The following INSL6 variants were observed in gnomAD, a reference collection of about 807,000 sequenced individuals.
INSL6 encodes the protein insulin like 6, also known as insulin-like peptide INSL6.
Under a neutral mutation model 9.4 loss-of-function variants are expected in INSL6, and 16 were observed. The ratio of observed to expected loss-of-function variants is 1.70; its 90% confidence interval spans 1.15 to 2.59. The LOEUF (loss-of-function observed/expected upper bound fraction) is 2.59. INSL6 is among the 30% of genes most tolerant of loss of function. The pLI is 0.00. For synonymous variants in INSL6, 154 were observed against 96.9 expected (o/e 1.59, Z -3.46); for missense variants, 391 against 257.3 (o/e 1.52, Z -3.56).
the INSL6 span, among the ~76,000 whole-genome samples, chr9:5,023,984 C>T: frequency 6.6e-6 from 1 of 152,016 alleles, no homozygotes; most frequent in South Asian, 2.1e-4. Flanking sequence ...GGGCCGGGCA[C>T]GGTGGCTTAC....
chr9:5,135,113 T>C (rs901027497), intron 2 of INSL6, among the ~76,000 whole-genome samples: 1 of 152,046 alleles, frequency 6.6e-6, no homozygotes, highest in East Asian at 1.9e-4. Context: ...GTAAAGGGAA[T>C]CAATGCAACA....
intron 2 of INSL6, among the ~76,000 whole-genome samples, chr9:5,139,120 G>C (rs904793493): frequency 6.6e-6 from 1 of 152,022 alleles, no homozygotes; most frequent in East Asian, 1.9e-4. Context: ...CCAAATAAAG[G>C]TCATATCTTT....
chr9:5,137,606 T>TTATA, intron 2 of INSL6, among the ~76,000 whole-genome samples: 1 of 152,280 alleles, frequency 6.6e-6, no homozygotes, highest in South Asian at 2.1e-4. Context: ...GATTAAAGAC[T>TTATA]TAAATATAAG....
At chr9:5,075,918 G>A in the INSL6 span, among the ~76,000 whole-genome samples, 1 of 152,096 alleles carries the variant, frequency 6.6e-6, no homozygotes, top group African/African-American at 2.4e-5. Context: ...GTTCATGGAA[G>A]GAGATCAAAA....
At chr9:5,133,470 G>A (rs1824329892) in exon 3 of INSL6, 1 of 152,950 alleles carries the variant, frequency 6.5e-6, no homozygotes, top group Non-Finnish European at 1.5e-5. Flanking sequence ...TCTAGTGGGT[G>A]CCCCTCTGGG....
the INSL6 span, among the ~76,000 whole-genome samples, chr9:5,076,268 A>G: frequency 6.6e-6 from 1 of 152,168 alleles, no homozygotes; most frequent in South Asian, 2.1e-4. Flanking sequence ...CTGACCCTGT[A>G]AAGTTCTACT....
At chr9:5,115,723 A>G in the INSL6 span, among the ~76,000 whole-genome samples, 2 of 152,262 alleles carry the variant, frequency 1.3e-5, no homozygotes, top group African/African-American at 4.8e-5. Flanking sequence ...ATGGAATACT[A>G]TGCAGCCATA....
chr9:5,122,992 A>G (rs1299460315), downstream of INSL6: 3 of 1,545,246 alleles, frequency 1.9e-6, no homozygotes, highest in African/African-American at 4.1e-5. Context: ...AATGTTATTC[A>G]TATATTTACA....
chr9:5,102,417 TG>T, the INSL6 span, among the ~76,000 whole-genome samples: 1 of 152,226 alleles, frequency 6.6e-6, no homozygotes, highest in Non-Finnish European at 1.5e-5. Context: ...TACATTTGAT[TG>T]TTGTACCTGA....
At chr9:5,080,450 A>T in the INSL6 span, 1 of 1,540,750 alleles carries the variant, frequency 6.5e-7, no homozygotes, top group Admixed American at 2.0e-5. Context: ...CATGATTTGT[A>T]TTTTTTAGCC....
At chr9:5,139,414 C>T (rs1824446498) in intron 2 of INSL6, among the ~76,000 whole-genome samples, 1 of 152,090 alleles carries the variant, frequency 6.6e-6, no homozygotes. Flanking sequence ...CTGCCTTTTG[C>T]TAGATGACAA....
chr9:5,112,839 G>A, the INSL6 span: 2 of 559,056 alleles, frequency 3.6e-6, no homozygotes, highest in Non-Finnish European at 5.7e-6. Context: ...AACCCCGCTG[G>A]GCACGTGTGA....
chr9:5,087,813 G>C, the INSL6 span, among the ~76,000 whole-genome samples: 1 of 152,192 alleles, frequency 6.6e-6, no homozygotes, highest in African/African-American at 2.4e-5. Context: ...ATCCTTAATA[G>C]AGATGTACAC....
downstream of INSL6, among the ~76,000 whole-genome samples, chr9:5,119,160 C>G (rs912144311): frequency 6.6e-6 from 1 of 152,132 alleles, no homozygotes; most frequent in African/African-American, 2.4e-5. Context: ...CTTCATACAA[C>G]CCATTTGGTA....
the INSL6 span, chr9:5,044,280 T>C: frequency 1.5e-6 from 1 of 663,888 alleles, no homozygotes; most frequent in Non-Finnish European, 2.7e-6. Flanking sequence ...TATTTAATAC[T>C]GTTAGCTGTG....
the INSL6 span, among the ~76,000 whole-genome samples, chr9:5,057,434 G>A: frequency 6.6e-6 from 1 of 151,820 alleles, no homozygotes; most frequent in African/African-American, 2.4e-5. Context: ...CCATTTTTAA[G>A]TGTACAGTTT....
chr9:5,126,453 AT>A (rs749188860), intron 3 of INSL6: 915 of 1,541,200 alleles, frequency 5.9e-4, no homozygotes, highest in Middle Eastern at 1.0e-3. Flanking sequence ...TGAGGTAACA[AT>A]TTTTTTTTAA....
downstream of INSL6, chr9:5,123,190 C>T (rs1823749549): frequency 3.7e-6 from 4 of 1,081,940 alleles, no homozygotes; most frequent in South Asian, 4.5e-5. Flanking sequence ...TTATGGGGTA[C>T]AAGTACAATT....
the INSL6 span, among the ~76,000 whole-genome samples, chr9:5,016,200 A>G: frequency 6.6e-6 from 1 of 152,210 alleles, no homozygotes; most frequent in Non-Finnish European, 1.5e-5. Context: ...ATGAGATGAC[A>G]TGATTTAGGA....
Sources: gnomAD v4.1 joint callset for allele counts (sites outside exome capture counted in the v4.1 genomes callset) on GRCh38, gnomAD v4.1.1 for gene constraint, MANE v1.5 for transcripts, NCBI Gene and HGNC (gene_info 2026-07-23, HGNC 2026-07-21) for gene names.